The following BRF1 variants were observed in gnomAD, a reference collection of about 807,000 sequenced individuals.
The protein encoded by BRF1 is transcription factor IIIB 90 kDa subunit.
In BRF1, 59 loss-of-function variants were observed where a neutral mutation model predicts 81.7. That is an observed-to-expected ratio of 0.72 (90% CI 0.59 to 0.90). The LOEUF is 0.90. Ranked by LOEUF, BRF1 falls within the 40% of genes least tolerant of loss-of-function variation. The pLI is 0.00. For missense variants in BRF1, 1,050 were observed against 936.3 expected (o/e 1.12, Z -1.58); for synonymous variants, 491 against 395.6 (o/e 1.24, Z -2.86).
chr14:105,265,120 C>G (rs775050606), intron 3 of BRF1, among the ~76,000 whole-genome samples: 28 of 146,690 alleles, frequency 1.9e-4, no homozygotes, highest in Non-Finnish European at 3.0e-4. Flanking sequence ...CTGGAATGCA[C>G]TGATGCACTG....
intron 10 of BRF1, among the ~76,000 whole-genome samples, chr14:105,224,230 G>A (rs907468311): frequency 2.6e-5 from 4 of 152,206 alleles, no homozygotes; most frequent in Non-Finnish European, 4.4e-5. Flanking sequence ...TTAGCTGGGC[G>A]TGGTGGCGCA....
At position 105,209,393 on chromosome 14, in the gene BRF1, G is replaced by GGT; in HGVS notation, c.*1156_*1157dup. ...GGCTGGCTACTGAGCTCTGGGCGGGGGTAGGGGGGTCTGGCCTGCTGCGGG... is the reference window on the plus strand; with the variant it reads ...GGCTGGCTACTGAGCTCTGGGCGGGGGTGTAGGGGGGTCTGGCCTGCTGCGGG... On this transcript the variant is annotated 3_prime_UTR_variant, in exon 18 of 18. Transcript: ENST00000547530. The GGT allele has an allele frequency of 1.5e-6, 1 of 645,334 alleles. No individual in the cohort carries two copies. The highest frequency in any genetic ancestry group is 2.8e-6 in the Non-Finnish European group (1 of 353,150). 40.0% of individuals were successfully genotyped at this position (645,334 alleles called of 1,614,324 possible). A position where few individuals can be genotyped will look rare whatever the true frequency, so the allele number is the denominator to read the frequency against.
chr14:105,285,519 A>G (rs2057283454), intron 2 of BRF1, among the ~76,000 whole-genome samples: 1 of 152,208 alleles, frequency 6.6e-6, no homozygotes, highest in Non-Finnish European at 1.5e-5. Context: ...CTCAATATGG[A>G]CCAAAACCTA....
rs1476837983 is a variant in BRF1 at position 105,272,898 on chromosome 14, G to A, written c.266-4C>T. 3.1e-6 allele frequency: 5 copies of A among 1,603,166 alleles called. No individual in the cohort carries two copies. The highest frequency in any genetic ancestry group is 1.1e-5 in the South Asian group (1 of 90,534). On this transcript the variant is annotated splice_region_variant and splice_polypyrimidine_tract_variant and intron_variant, in intron 2 of 17. Transcript: ENST00000547530. ...AGGTGGTGGATGTGGCGCCTCCCTA[G>A]GACACAGCACGAGGCAGCTCTTAGC...
chr14:105,262,265 A>G (rs998499642), intron 3 of BRF1, among the ~76,000 whole-genome samples: 3 of 152,172 alleles, frequency 2.0e-5, no homozygotes, highest in Non-Finnish European at 4.4e-5. Flanking sequence ...CTAGGTCATG[A>G]GCAGCCCTGC....
intron 16 of BRF1, chr14:105,211,590 A>G: frequency 2.3e-6 from 1 of 435,028 alleles, no homozygotes; most frequent in African/African-American, 2.0e-5. Context: ...TCCAGACCAT[A>G]GGCCTCGGCC....
rs1427065332 is a variant in BRF1 at position 105,271,203 on chromosome 14, A to G, written c.439+1518T>C. Among the ~76,000 whole-genome samples the G allele has an allele frequency of 2.6e-5, 4 of 152,252 alleles. No individual in the cohort carries two copies. The highest frequency in any genetic ancestry group is 7.2e-5 in the African/African-American group (3 of 41,476). On this transcript the variant is annotated intron_variant, in intron 3 of 17. Transcript: ENST00000547530. The surrounding 1 kb of genome is among the most constrained non-coding windows in gnomAD (Gnocchi z 5.5). Reference sequence around the variant, plus strand: ...CACATGGGTTCAGTGTGGCAGGCAGAGTAACAGAGAAGAAGGGAGACACAT... The same window carrying G: ...CACATGGGTTCAGTGTGGCAGGCAGGGTAACAGAGAAGAAGGGAGACACAT...
At chr14:105,212,276 C>T in intron 15 of BRF1, 112 bp from the exon 16 acceptor site, 3 of 1,404,696 alleles carry the variant, frequency 2.1e-6, no homozygotes, top group East Asian at 5.0e-5. Flanking sequence ...GTTTCTCTGT[C>T]CCTTTGGAAG....
At chr14:105,227,591 A>C (rs1893330862) in intron 7 of BRF1, 1 of 152,312 alleles carries the variant, frequency 6.6e-6, no homozygotes, top group Admixed American at 6.5e-5. Flanking sequence ...AGAAAGGCCC[A>C]CAGGCACCCT....
At chr14:105,312,137 TC>T (rs1266791486) in intron 1 of BRF1, among the ~76,000 whole-genome samples, 1 of 152,190 alleles carries the variant, frequency 6.6e-6, no homozygotes, top group Admixed American at 6.5e-5. Context: ...TGAATGCGTT[TC>T]CAAGCAGCCC....
intron 1 of BRF1, 68 bp downstream of exon 1, chr14:105,300,378 C>T: frequency 1.4e-6 from 2 of 1,390,772 alleles, no homozygotes; most frequent in Non-Finnish European, 1.9e-6. Context: ...CCCGGCCGCG[C>T]CGTCACCGCC....
intron 1 of BRF1, among the ~76,000 whole-genome samples, chr14:105,296,325 C>T (rs944100549): frequency 6.6e-6 from 1 of 151,948 alleles, no homozygotes; most frequent in African/African-American, 2.4e-5. Context: ...GAGATTGAGA[C>T]CATCCATGTA....
chr14:105,260,120 G>A (rs985797101), intron 3 of BRF1, among the ~76,000 whole-genome samples: 14 of 152,248 alleles, frequency 9.2e-5, no homozygotes, highest in South Asian at 2.1e-4. Context: ...CTCTCCAGAT[G>A]GAGCAATTAG....
rs2057239892 is a variant in BRF1 at position 105,284,474 on chromosome 14, C to G, written c.265+1822G>C. Reference sequence around the variant, plus strand: ...GGCAGGTGCTCAAGAGCCCGGCCTCCTGGAGATGGCCCAGGAGAAAACAGC... The same window carrying G: ...GGCAGGTGCTCAAGAGCCCGGCCTCGTGGAGATGGCCCAGGAGAAAACAGC... On this transcript the variant is annotated intron_variant, in intron 2 of 17. Transcript: ENST00000547530. The surrounding 1 kb of genome is among the most constrained non-coding windows in gnomAD (Gnocchi z 4.0). Among the ~76,000 whole-genome samples, 1 of 152,172 alleles carries G rather than the reference C, an allele frequency of 6.6e-6. No homozygotes were observed. Among genetic ancestry groups the G allele is most frequent in the Admixed American group, 6.5e-5 (1 of 15,268 alleles).
intron 5 of BRF1, among the ~76,000 whole-genome samples, chr14:105,246,093 T>A (rs899183395): frequency 6.6e-6 from 1 of 152,124 alleles, no homozygotes; most frequent in Admixed American, 6.6e-5. Flanking sequence ...ATGGGCAAAC[T>A]GCACTTTTGT....
At chr14:105,288,377 A>C (rs1045399536) in intron 1 of BRF1, among the ~76,000 whole-genome samples, 8 of 152,072 alleles carry the variant, frequency 5.3e-5, no homozygotes, top group African/African-American at 1.9e-4. Flanking sequence ...GCTTGAACCC[A>C]GGAGGTGGAG....
intron 4 of BRF1, among the ~76,000 whole-genome samples, chr14:105,253,946 C>A (rs370147256): frequency 3.3e-5 from 5 of 152,214 alleles, no homozygotes; most frequent in Non-Finnish European, 5.9e-5. Flanking sequence ...TGTGTACACA[C>A]GCATACAGTG....
intron 3 of BRF1, among the ~76,000 whole-genome samples, chr14:105,264,508 C>CA (rs943790532): frequency 2.9e-4 from 43 of 150,156 alleles, no homozygotes; most frequent in African/African-American, 8.1e-4. Flanking sequence ...ACTAAAAATA[C>CA]AAAAAAAAAT....
Position 105,252,490 on chromosome 14 carries a change from C to T in BRF1, c.544+17G>A. ...AGCAGCCTGCCGGACACCCCAGCAT[C>T]TCACCCAGATGCCTACCTATGGCCG... On this transcript the variant is annotated intron_variant, in intron 5 of 17. Transcript: ENST00000547530. 3 of 1,612,798 alleles carry T rather than the reference C, an allele frequency of 1.9e-6. No individual in the cohort carries two copies. Among genetic ancestry groups the T allele is most frequent in the Non-Finnish European group, 2.5e-6 (3 of 1,179,572 alleles).
Sources: allele counts gnomAD v4.1 joint callset (sites outside exome capture counted in the v4.1 genomes callset), GRCh38; gene constraint gnomAD v4.1.1; non-coding constraint Gnocchi (gnomAD v3.1); transcripts MANE v1.5; gene names NCBI Gene and HGNC (gene_info 2026-07-23, HGNC 2026-07-21).